LDB2: variants seen among roughly 807,000 people sequenced by gnomAD.
The protein encoded by LDB2 is LIM domain binding 2, also known as LIM domain-binding protein 2.
A neutral mutation model predicts 44.3 loss-of-function variants in LDB2; 12 were observed. The ratio of observed to expected loss-of-function variants is 0.27; its 90% confidence interval spans 0.17 to 0.44. The LOEUF (loss-of-function observed/expected upper bound fraction) is 0.44, where lower values mean the gene tolerates loss of function less well. Ranked by LOEUF, LDB2 falls within the 20% of genes least tolerant of loss-of-function variation. LDB2 has a pLI of 1.00. For synonymous variants in LDB2, 164 were observed against 174.8 expected (o/e 0.94, Z 0.49); for missense variants, 344 against 473.5 (o/e 0.73, Z 2.54).
chr4:16,823,450 A>G (rs925068951), intron 1 of LDB2, among the ~76,000 whole-genome samples: 78 of 152,166 alleles, frequency 5.1e-4, no homozygotes, highest in Non-Finnish European at 1.9e-4. Flanking sequence ...CTTAAATTCA[A>G]TTTCCCTGAA....
chr4:16,879,782 G>A (rs1440185667), intron 1 of LDB2, among the ~76,000 whole-genome samples: 3 of 152,090 alleles, frequency 2.0e-5, no homozygotes, highest in African/African-American at 7.2e-5. Context: ...TGCTTTTCTG[G>A]AGAATTCTAA....
intron 2 of LDB2, among the ~76,000 whole-genome samples, chr4:16,743,297 A>T (rs1763716875): frequency 1.3e-5 from 2 of 152,036 alleles, no homozygotes; most frequent in Non-Finnish European, 2.9e-5. Flanking sequence ...CTCAAAAAAT[A>T]TGCTTGTCAG....
intron 2 of LDB2, among the ~76,000 whole-genome samples, chr4:16,701,485 AGCTTCTACTCTTC>A (rs1195117162): frequency 6.6e-6 from 1 of 152,194 alleles, no homozygotes. Context: ...TCCTAGAGTG[AGCTTCTACTCTTC>A]ATTAGGCACA....
In LDB2 at chr4:16,748,739, A is replaced by G. The variant is rs151168423; in HGVS notation, c.235+10419T>C. ...ATTATCTAAAAGAAATACTGCACAC[A>G]TCTCAGCTGAACACTGATTTTTCCA... is the stretch of plus-strand genomic sequence containing the variant. On this transcript the variant is annotated intron_variant, in intron 2 of 7. Coordinates refer to ENST00000304523, the MANE Select transcript of LDB2 (RefSeq NM_001290.5). Among the ~76,000 whole-genome samples the G allele has an allele frequency of 2.1e-3, 315 of 152,340 alleles. 1 individual carries two copies. Among genetic ancestry groups the G allele is most frequent in the African/African-American group, 7.0e-3 (290 of 41,582 alleles).
chr4:16,794,217 T>C (rs1018693208), intron 1 of LDB2, among the ~76,000 whole-genome samples: 1 of 152,118 alleles, frequency 6.6e-6, no homozygotes, highest in Non-Finnish European at 1.5e-5. Flanking sequence ...CTGAGATGAT[T>C]TGGTTTACAC....
chr4:16,753,319 G>A lies in LDB2; in HGVS notation c.235+5839C>T, dbSNP rs542722285. Among the ~76,000 whole-genome samples, 7 of 152,302 alleles carry A rather than the reference G, an allele frequency of 4.6e-5. No individual in the cohort carries two copies. The East Asian group carries it at 5.8e-4, about 13-fold the overall frequency. ...AAAAAGCAGTAGAGAAACAGAAACCGGAGATAGTGAACCTACTTGGGCCCC... is the reference window on the plus strand; with the variant it reads ...AAAAAGCAGTAGAGAAACAGAAACCAGAGATAGTGAACCTACTTGGGCCCC... On this transcript the variant is annotated intron_variant, in intron 2 of 7. Coordinates refer to ENST00000304523, the MANE Select transcript of LDB2 (RefSeq NM_001290.5).
In LDB2 at chr4:16,785,626, A is replaced by C. The variant is rs529691355; in HGVS notation, c.133-26366T>G. On this transcript the variant is annotated intron_variant, in intron 1 of 7. Coordinates refer to ENST00000304523, the MANE Select transcript of LDB2 (RefSeq NM_001290.5). ...TGATAATAAGCTCTAGTCAAGCATGAGAAGTGGTTCCTGAGAAATGCATGG... is the reference window on the plus strand; with the variant it reads ...TGATAATAAGCTCTAGTCAAGCATGCGAAGTGGTTCCTGAGAAATGCATGG... 2.6e-5 allele frequency among the ~76,000 whole-genome samples: 4 copies of C among 152,320 alleles called. No homozygotes were observed. The East Asian group carries it at 7.7e-4, about 29-fold the overall frequency.
At chr4:16,615,353 C>T (rs1423743978) in intron 2 of LDB2, among the ~76,000 whole-genome samples, 1 of 152,120 alleles carries the variant, frequency 6.6e-6, no homozygotes, top group Non-Finnish European at 1.5e-5. Flanking sequence ...ATGGAACCAA[C>T]CCAAATGCTC....
At chr4:16,746,872 T>C (rs1428944241) in intron 2 of LDB2, among the ~76,000 whole-genome samples, 1 of 152,182 alleles carries the variant, frequency 6.6e-6, no homozygotes, top group African/African-American at 2.4e-5. Context: ...GAATGGGTCA[T>C]CTTCTCCTCA....
At chr4:16,714,951 C>A (rs1756756364) in intron 2 of LDB2, among the ~76,000 whole-genome samples, 1 of 152,144 alleles carries the variant, frequency 6.6e-6, no homozygotes, top group Non-Finnish European at 1.5e-5. Flanking sequence ...TTTACACCTG[C>A]AAAGACCCTA....
intron 5 of LDB2, among the ~76,000 whole-genome samples, chr4:16,567,639 G>A (rs1015209247): frequency 2.0e-5 from 3 of 152,076 alleles, no homozygotes; most frequent in African/African-American, 7.2e-5. Flanking sequence ...GTGTGGTGGC[G>A]GGCGCCTGTA....
In LDB2 at chr4:16,793,519, T is replaced by C. The variant is rs543704143; in HGVS notation, c.133-34259A>G. 3.3e-5 allele frequency among the ~76,000 whole-genome samples: 5 copies of C among 152,314 alleles called. No homozygotes were observed. In the East Asian group the frequency reaches 9.6e-4, roughly 29 times the overall value. On this transcript the variant is annotated intron_variant, in intron 1 of 7. Transcript: ENST00000304523. ...CTTCTTATTTTTAATCGTGCAGGTC[T>C]TTACCCAAGATGTGTTTTTTCTCAT...
chr4:16,885,634 C>A (rs1366036366), intron 1 of LDB2, among the ~76,000 whole-genome samples: 7 of 152,142 alleles, frequency 4.6e-5, no homozygotes, highest in Admixed American at 4.6e-4. Flanking sequence ...TCAACACTAA[C>A]CCTTAACATT....
chr4:16,706,140 G>A (rs1428372189), intron 2 of LDB2, among the ~76,000 whole-genome samples: 2 of 152,064 alleles, frequency 1.3e-5, no homozygotes, highest in Admixed American at 6.6e-5. Flanking sequence ...GCCTTTTGAT[G>A]GCATTTCGTG....
At chr4:16,862,242 T>C (rs1042677490) in intron 1 of LDB2, among the ~76,000 whole-genome samples, 13 of 151,032 alleles carry the variant, frequency 8.6e-5, no homozygotes, top group African/African-American at 3.2e-4. Context: ...CATCATTTTT[T>C]TCAATTTTTT....
At chr4:16,610,502 G>A (rs755317281) in intron 2 of LDB2, among the ~76,000 whole-genome samples, 12 of 152,188 alleles carry the variant, frequency 7.9e-5, no homozygotes, top group Non-Finnish European at 1.2e-4. Flanking sequence ...AGAATAACCA[G>A]TTTAGAGAGG....
chr4:16,726,251 C>G (rs575717749), intron 2 of LDB2: 1 of 152,146 alleles, frequency 6.6e-6, no homozygotes, highest in Non-Finnish European at 1.5e-5. Flanking sequence ...CAGTAAAAAC[C>G]TGTTCCTGAA....
chr4:16,721,921 G>A (rs1401842227), intron 2 of LDB2, among the ~76,000 whole-genome samples: 2 of 151,870 alleles, frequency 1.3e-5, no homozygotes, highest in African/African-American at 4.8e-5. Flanking sequence ...TCCATGGCTC[G>A]GCAAAGTAAA....
chr4:16,768,191 G>A (rs1769791022), intron 1 of LDB2, among the ~76,000 whole-genome samples: 1 of 151,892 alleles, frequency 6.6e-6, no homozygotes, highest in African/African-American at 2.4e-5. Flanking sequence ...CCTTGAAAAT[G>A]TGTTTTTTTT....
Sources: allele counts gnomAD v4.1 joint callset (sites outside exome capture counted in the v4.1 genomes callset), GRCh38; gene constraint gnomAD v4.1.1; transcripts MANE v1.5; gene names NCBI Gene and HGNC (gene_info 2026-07-23, HGNC 2026-07-21).